WDR7: variants seen among roughly 807,000 people sequenced by gnomAD.
WDR7 encodes the protein WD repeat domain 7, also known as WD repeat-containing protein 7.
A neutral mutation model predicts 169.4 loss-of-function variants in WDR7; 46 were observed. The ratio of observed to expected loss-of-function variants is 0.27; its 90% CI spans 0.21 to 0.35. WDR7 has a LOEUF of 0.35. Among genes scored for constraint, WDR7 ranks in the 10% least tolerant of loss-of-function variants. The pLI is 1.00. For missense variants in WDR7, 1,534 were observed against 1,859.3 expected (o/e 0.83, Z 3.22); for synonymous variants, 612 against 666.8 (o/e 0.92, Z 1.27).
intron 14 of WDR7, among the ~76,000 whole-genome samples, chr18:56,734,331 A>T (rs1599000927): frequency 6.6e-6 from 1 of 151,804 alleles, no homozygotes; most frequent in African/African-American, 2.4e-5. Flanking sequence ...ACATTTTGGG[A>T]TGGGTAATTC....
At chr18:56,725,703 G>A (rs1202643105) in intron 13 of WDR7, among the ~76,000 whole-genome samples, 1 of 152,086 alleles carries the variant, frequency 6.6e-6, no homozygotes, top group Non-Finnish European at 1.5e-5. Context: ...CATTGCTTTT[G>A]GTGTTTTAGA....
At chr18:56,766,116 GT>G (rs1231707092) in intron 16 of WDR7, among the ~76,000 whole-genome samples, 1 of 150,850 alleles carries the variant, frequency 6.6e-6, no homozygotes, top group Non-Finnish European at 1.5e-5. Context: ...GTTTGCATTA[GT>G]TCTAACAAGA....
chr18:57,014,266 C>T (rs866280517), intron 26 of WDR7, among the ~76,000 whole-genome samples: 7 of 148,674 alleles, frequency 4.7e-5, no homozygotes, highest in Non-Finnish European at 7.4e-5. Flanking sequence ...GCAGAGATTG[C>T]AGTGAGCCGA....
chr18:56,755,357 A>G, intron 14 of WDR7, among the ~76,000 whole-genome samples: 1 of 152,172 alleles, frequency 6.6e-6, no homozygotes, highest in East Asian at 1.9e-4. Context: ...ATGATAATGG[A>G]AATTTTTTGG....
At chr18:56,683,746 C>G (rs1730210536) in intron 5 of WDR7, among the ~76,000 whole-genome samples, 1 of 152,210 alleles carries the variant, frequency 6.6e-6, no homozygotes, top group Admixed American at 6.5e-5. Context: ...ACTTTAACCA[C>G]TGTGTTACAC....
chr18:56,896,204 AT>A (rs1219005491), intron 21 of WDR7, among the ~76,000 whole-genome samples: 1 of 151,864 alleles, frequency 6.6e-6, no homozygotes, highest in Non-Finnish European at 1.5e-5. Flanking sequence ...AGAGATATAC[AT>A]TTTTTGTGAC....
At chr18:56,720,750 G>A (rs1437803756) in intron 13 of WDR7, among the ~76,000 whole-genome samples, 1 of 152,134 alleles carries the variant, frequency 6.6e-6, no homozygotes, top group Admixed American at 6.6e-5. Context: ...AGGGGTACTG[G>A]AAGAGGTTAT....
intron 13 of WDR7, among the ~76,000 whole-genome samples, chr18:56,722,937 T>A (rs12966943): frequency 3.4e-3 from 524 of 152,280 alleles, no homozygotes; most frequent in East Asian, 0.028. Flanking sequence ...GCCGGGAAAT[T>A]AATCTTAGGA....
chr18:56,958,108 T>G (rs148525299), intron 25 of WDR7, among the ~76,000 whole-genome samples: 218 of 152,280 alleles, frequency 1.4e-3, no homozygotes, highest in African/African-American at 5.0e-3. Flanking sequence ...ATTTAGAAAC[T>G]CAGGTACTGA....
intron 21 of WDR7, among the ~76,000 whole-genome samples, chr18:56,923,066 G>T (rs2046749337): frequency 6.6e-6 from 1 of 152,038 alleles, no homozygotes; most frequent in Admixed American, 6.6e-5. Context: ...TCAGTATACT[G>T]TACTGTTCTG....
At chr18:57,033,698 C>T (rs2048453772), downstream of WDR7, 1 of 151,950 alleles carries the variant, frequency 6.6e-6, no homozygotes, top group Admixed American at 6.6e-5. Flanking sequence ...CACCCCCACC[C>T]AAATCCCACT....
chr18:56,690,736 G>C (rs1296984395), intron 7 of WDR7, among the ~76,000 whole-genome samples: 4 of 152,056 alleles, frequency 2.6e-5, no homozygotes, highest in Non-Finnish European at 5.9e-5. Context: ...AATCACTTGA[G>C]CCCAGGAGTT....
intron 18 of WDR7, 116 bp from the exon 19 acceptor site, chr18:56,781,413 GTAAA>G: frequency 8.9e-7 from 1 of 1,117,854 alleles, no homozygotes; most frequent in East Asian, 3.1e-5. Context: ...TGTTTTTCAT[GTAAA>G]TAAATATGGT....
At chr18:56,705,552 G>A (rs1249192331) in intron 12 of WDR7, among the ~76,000 whole-genome samples, 1 of 152,112 alleles carries the variant, frequency 6.6e-6, no homozygotes, top group Non-Finnish European at 1.5e-5. Context: ...GTTTGCAGAT[G>A]CTCTTAGCAT....
intron 22 of WDR7, among the ~76,000 whole-genome samples, chr18:56,933,298 A>G (rs2046916203): frequency 6.6e-6 from 1 of 152,186 alleles, no homozygotes; most frequent in Non-Finnish European, 1.5e-5. Flanking sequence ...TTTCAGATGC[A>G]ATCCTCAGTA....
chr18:56,938,746 A>G (rs2046993382), intron 24 of WDR7, 64 bp downstream of exon 24: 9 of 1,571,000 alleles, frequency 5.7e-6, no homozygotes, highest in East Asian at 4.6e-5. Context: ...ATGAAGTAAT[A>G]TAAATCAGTA....
At chr18:56,722,123 T>C (rs1261452444) in intron 13 of WDR7, among the ~76,000 whole-genome samples, 2 of 152,214 alleles carry the variant, frequency 1.3e-5, no homozygotes, top group Admixed American at 6.5e-5. Context: ...TAATGTATAT[T>C]TGTATGTCTT....
chr18:56,981,987 T>C (rs1362339401), intron 26 of WDR7, among the ~76,000 whole-genome samples: 1 of 145,672 alleles, frequency 6.9e-6, no homozygotes, highest in Non-Finnish European at 1.5e-5. Flanking sequence ...GTGAAAGATA[T>C]GATTTTGGAT....
intron 27 of WDR7, among the ~76,000 whole-genome samples, chr18:57,023,431 G>A (rs577073172): frequency 6.6e-6 from 1 of 152,304 alleles, no homozygotes; most frequent in Non-Finnish European, 1.5e-5. Flanking sequence ...ATATTGGTTG[G>A]ATAATTACTC....
Sources: gnomAD v4.1 joint callset for allele counts (sites outside exome capture counted in the v4.1 genomes callset) on GRCh38, gnomAD v4.1.1 for gene constraint, MANE v1.5 for transcripts, NCBI Gene and HGNC (gene_info 2026-07-23, HGNC 2026-07-21) for gene names.